Variants in FBN1 observed in about 807,000 individuals in gnomAD.
FBN1 encodes fibrillin-1.
Under a neutral mutation model 365.1 loss-of-function variants are expected in FBN1, and 29 were observed. That is an observed-to-expected ratio of 0.08 (90% CI 0.06 to 0.11). The LOEUF is 0.11. Among genes scored for constraint, FBN1 ranks in the 10% least tolerant of loss-of-function variants. The pLI, the probability that FBN1 is intolerant of heterozygous loss-of-function variation, is 1.00. For synonymous variants in FBN1, 1,210 were observed against 1,270.5 expected (o/e 0.95, Z 1.01); for missense variants, 2,476 against 3,703.2 (o/e 0.67, Z 8.60).
At chr15:48,595,858 G>A (rs1191367076) in intron 6 of FBN1, among the ~76,000 whole-genome samples, 1 of 152,132 alleles carries the variant, frequency 6.6e-6, no homozygotes, top group East Asian at 1.9e-4. Context: ...GCCCCCAACA[G>A]GTCCAACAGA....
intron 50 of FBN1, among the ~76,000 whole-genome samples, chr15:48,439,137 A>G (rs370800286): frequency 3.2e-4 from 49 of 152,334 alleles, no homozygotes; most frequent in African/African-American, 1.2e-3. Flanking sequence ...GTTGCCAGAG[A>G]TAACAAAGGA....
chr15:48,509,915 C>T, intron 14 of FBN1, 129 bp downstream of exon 14: 1 of 1,014,428 alleles, frequency 9.9e-7, no homozygotes, highest in Non-Finnish European at 1.5e-6. Context: ...ATTAGGCTTC[C>T]TTTTGAGATA....
intron 15 of FBN1, among the ~76,000 whole-genome samples, chr15:48,505,750 A>C (rs1009990198): frequency 6.6e-6 from 1 of 152,236 alleles, no homozygotes; most frequent in Admixed American, 6.5e-5. Context: ...CCAGCAAAGA[A>C]AAATCTTTCT....
rs576325705 is a variant in FBN1, at chr15:48,460,354, G to A, written c.5225-37C>T. On this transcript the variant is annotated intron_variant, in intron 42 of 65. Transcript: ENST00000316623. ...AAACAAAGGTGGGATGGGAGGATAGGGGTCAGCAAAGAACAATAATTGGAC... is the reference window on the plus strand; with the variant it reads ...AAACAAAGGTGGGATGGGAGGATAGAGGTCAGCAAAGAACAATAATTGGAC... 6.7e-6 allele frequency: 9 copies of A among 1,338,938 alleles called. No homozygotes were observed. In the South Asian group the frequency reaches 1.1e-4, roughly 16 times the overall value. The allele number at this position is 1,338,938 out of a possible 1,614,324, so 82.9% of individuals were successfully genotyped here.
intron 2 of FBN1, among the ~76,000 whole-genome samples, chr15:48,630,663 C>G (rs1157303649): frequency 7.2e-6 from 1 of 139,388 alleles, no homozygotes; most frequent in Non-Finnish European, 1.5e-5. Context: ...AGAAAATACC[C>G]GGTATTTGCA....
intron 38 of FBN1, among the ~76,000 whole-genome samples, chr15:48,467,088 C>A (rs1404879646): frequency 6.6e-6 from 1 of 152,172 alleles, no homozygotes; most frequent in Non-Finnish European, 1.5e-5. Flanking sequence ...CTAGTGGAGT[C>A]CTAATGTGCA....
intron 6 of FBN1, among the ~76,000 whole-genome samples, chr15:48,592,263 C>T (rs1382461144): frequency 1.3e-5 from 2 of 152,112 alleles, no homozygotes; most frequent in African/African-American, 4.8e-5. Context: ...CATCACACCC[C>T]ACCCCCATCT....
chr15:48,508,942 GTA>G (rs2043736126), intron 14 of FBN1, among the ~76,000 whole-genome samples: 1 of 152,126 alleles, frequency 6.6e-6, no homozygotes, highest in South Asian at 2.1e-4. Flanking sequence ...AGATGTATAG[GTA>G]TATCTATTTA....
chr15:48,508,818 G>T, intron 14 of FBN1, 114 bp from the exon 15 acceptor site: 2 of 1,263,014 alleles, frequency 1.6e-6, no homozygotes, highest in Non-Finnish European at 2.2e-6. Flanking sequence ...TGTTATTACA[G>T]CCTAAGGCTA....
At position 48,430,740 on chromosome 15, in the gene FBN1, G is replaced by A; in HGVS notation, c.6802C>T (p.Leu2268Phe). Residue 2268 changes from leucine (L) to phenylalanine (F), a missense_variant, in exon 56 of 66, where the codon CTC (leucine) becomes TTC (phenylalanine). Leu to Phe is a conservative substitution (Grantham distance 22). Coordinates refer to ENST00000316623, the MANE Select transcript of FBN1 (RefSeq NM_000138.5). ...CAGATGCACATATATGTGCCAATGA[G>A]GTTCTTGCATTCCATTTGTTTTTCA... ...CTEKQMECKN[L>F]IGTYMCICGP... The A allele has an allele frequency of 3.1e-6, 5 of 1,613,886 alleles. No individual in the cohort carries two copies. The highest frequency in any genetic ancestry group is 4.2e-6 in the Non-Finnish European group (5 of 1,179,846).
intron 3 of FBN1, 129 bp downstream of exon 3, chr15:48,612,881 T>C: frequency 2.6e-6 from 2 of 776,002 alleles, no homozygotes; most frequent in South Asian, 1.4e-5. Context: ...TAGAAAAGTC[T>C]TAAAGCTGGA....
At chr15:48,586,300 T>C (rs1281478718) in intron 6 of FBN1, among the ~76,000 whole-genome samples, 1 of 151,612 alleles carries the variant, frequency 6.6e-6, no homozygotes, top group Non-Finnish European at 1.5e-5. Flanking sequence ...GAGGTGGCCA[T>C]GTCAGCAAAG....
At position 48,568,049 on chromosome 15, in the gene FBN1, G is replaced by GAAGAAAGAAAGA. The variant is rs1555403283; in HGVS notation, c.538+28222_538+28233dup. Reference sequence around the variant, plus strand: ...AGAAAGAAAGAAAGAAAGAAAGAAAGAAGAAAGAAAGAAAGAAAGAAAGAA... The same window carrying GAAGAAAGAAAGA: ...AGAAAGAAAGAAAGAAAGAAAGAAAGAAGAAAGAAAGAAAGAAAGAAAGAAAGAAAGAAAGAA... On this transcript the variant is annotated intron_variant, in intron 6 of 65. Transcript: ENST00000316623. 8.8e-3 allele frequency among the ~76,000 whole-genome samples: 354 copies of GAAGAAAGAAAGA among 40,064 alleles called. 12 individuals are homozygous for GAAGAAAGAAAGA. The highest frequency in any genetic ancestry group is 0.031 in the Middle Eastern group (2 of 64). 26.3% of individuals were successfully genotyped at this position (40,064 alleles called of 152,430 possible).
At chr15:48,448,002 C>G (rs2043172182) in intron 46 of FBN1, among the ~76,000 whole-genome samples, 1 of 152,124 alleles carries the variant, frequency 6.6e-6, no homozygotes, top group Non-Finnish European at 1.5e-5. Context: ...ATAGCTTTTA[C>G]ACAGGTTAGC....
intron 12 of FBN1, 56 bp downstream of exon 12, chr15:48,515,331 G>C: frequency 6.2e-7 from 1 of 1,602,988 alleles, no homozygotes; most frequent in Non-Finnish European, 8.5e-7. Flanking sequence ...AACCAGTAGA[G>C]TCAAGGAACA....
chr15:48,634,864 C>A (rs988202386), intron 2 of FBN1, among the ~76,000 whole-genome samples: 1 of 100,562 alleles, frequency 9.9e-6, no homozygotes, highest in African/African-American at 8.6e-5. Context: ...AAACCACACA[C>A]ACACACACAC....
At chr15:48,500,458 T>C (rs896377314) in intron 17 of FBN1, among the ~76,000 whole-genome samples, 1 of 152,196 alleles carries the variant, frequency 6.6e-6, no homozygotes, top group Non-Finnish European at 1.5e-5. Flanking sequence ...CCTCTGTTAG[T>C]TTCTTCTCCC....
In FBN1 at chr15:48,442,301, C is replaced by T. The variant is rs530549780; in HGVS notation, c.6038-455G>A. On this transcript the variant is annotated intron_variant, in intron 49 of 65. Transcript: ENST00000316623. ...ATCCAAATTTACTCCCCTCCAACCA[C>T]CCACAGAACTTTTCCCAATACCCTA... is the stretch of plus-strand genomic sequence containing the variant. 2.6e-5 allele frequency among the ~76,000 whole-genome samples: 4 copies of T among 152,314 alleles called. No individual in the cohort carries two copies. In the South Asian group the frequency reaches 8.3e-4, roughly 32 times the overall value.
At chr15:48,587,989 C>T (rs1222288717) in intron 6 of FBN1, among the ~76,000 whole-genome samples, 1 of 151,992 alleles carries the variant, frequency 6.6e-6, no homozygotes, top group Non-Finnish European at 1.5e-5. Flanking sequence ...TTCTAAGATG[C>T]TGCTTTCTGA....
Sources: gnomAD v4.1 joint callset for allele counts (sites outside exome capture counted in the v4.1 genomes callset) on GRCh38, gnomAD v4.1.1 for gene constraint, MANE v1.5 for transcripts, NCBI Gene and HGNC (gene_info 2026-07-23, HGNC 2026-07-21) for gene names.